Variants in DTD1 observed in about 807,000 individuals in gnomAD.
DTD1 encodes the protein D-aminoacyl-tRNA deacylase 1.
Under a neutral mutation model 25.6 loss-of-function variants are expected in DTD1, and 13 were observed. The ratio of observed to expected loss-of-function variants is 0.51; its 90% CI spans 0.33 to 0.81. DTD1 has a LOEUF of 0.81. DTD1 is among the 30% of genes least tolerant of loss of function. The pLI is 0.02. For synonymous variants in DTD1, 110 were observed against 103.6 expected (o/e 1.06, Z -0.37); for missense variants, 193 against 266.4 (o/e 0.72, Z 1.92).
intron 4 of DTD1, among the ~76,000 whole-genome samples, chr20:18,715,680 T>C (rs760635623): frequency 3.3e-4 from 50 of 152,228 alleles, no homozygotes; most frequent in Non-Finnish European, 6.8e-4. Context: ...ATCTATAAAA[T>C]GGTGACTAAC....
chr20:18,671,380 G>A (rs1258915028), intron 4 of DTD1, among the ~76,000 whole-genome samples: 1 of 152,084 alleles, frequency 6.6e-6, no homozygotes, highest in African/African-American at 2.4e-5. Context: ...CTAGTGCAGG[G>A]CCTCCTTTTC....
At chr20:18,726,640 C>G (rs1008611327) in intron 4 of DTD1, among the ~76,000 whole-genome samples, 1 of 152,168 alleles carries the variant, frequency 6.6e-6, no homozygotes, top group African/African-American at 2.4e-5. Context: ...CTTGTTGTCA[C>G]TTAGTGGGGA....
chr20:18,594,179 C>CT (rs1453934847), intron 2 of DTD1, among the ~76,000 whole-genome samples: 1 of 152,156 alleles, frequency 6.6e-6, no homozygotes, highest in African/African-American at 2.4e-5. Flanking sequence ...TTTAGAATGT[C>CT]TACTAGCTCG....
chr20:18,741,621 T>G lies in DTD1; in HGVS notation c.478-2479T>G, dbSNP rs184436638. On this transcript the variant is annotated intron_variant, in intron 4 of 5. Coordinates refer to ENST00000377452, the MANE Select transcript of DTD1 (RefSeq NM_080820.6). ...TGTATTTGCATGAGCTCACTAGCTA[T>G]GTAGAGTATTATTTTGTGTTAGTGG... 1.1e-3 allele frequency among the ~76,000 whole-genome samples: 164 copies of G among 152,342 alleles called. 1 individual carries two copies. Among genetic ancestry groups the G allele is most frequent in the African/African-American group, 3.5e-3 (147 of 41,564 alleles).
At chr20:18,708,724 A>G (rs1389898922) in intron 4 of DTD1, among the ~76,000 whole-genome samples, 1 of 151,972 alleles carries the variant, frequency 6.6e-6, no homozygotes, top group African/African-American at 2.4e-5. Context: ...CTGCACAAAC[A>G]GTTCAGGGCG....
At chr20:18,755,513 T>C (rs1307902823) in intron 5 of DTD1, among the ~76,000 whole-genome samples, 2 of 152,106 alleles carry the variant, frequency 1.3e-5, no homozygotes, top group Non-Finnish European at 2.9e-5. Context: ...AGTGAGAACA[T>C]GCGGTGTTTG....
rs140227727 is a variant in DTD1 at position 18,705,164 on chromosome 20, T to C, written c.478-38936T>C. ...TAGACAGAGCTGGTCTAGACAGTAT[T>C]GGTGCTGTTTTAAGGAACTTGAAGA... On this transcript the variant is annotated intron_variant, in intron 4 of 5. Transcript: ENST00000377452. Among the ~76,000 whole-genome samples, 55 of 152,332 alleles carry C rather than the reference T, an allele frequency of 3.6e-4. 1 individual carries two copies. Among genetic ancestry groups the C allele is most frequent in the Admixed American group, 2.6e-3 (39 of 15,290 alleles).
rs569487759 is a variant in DTD1, at chr20:18,765,021, T to C, written c.*1681T>C. The C allele has an allele frequency of 6.6e-6, 1 of 152,372 alleles. No individual in the cohort carries two copies. Among genetic ancestry groups the C allele is most frequent in the African/African-American group, 2.4e-5 (1 of 41,586 alleles). The allele number at this position is 152,372 out of a possible 1,614,324, so 9.4% of individuals were successfully genotyped here. A position where few individuals can be genotyped will look rare whatever the true frequency, so the allele number is the denominator to read the frequency against. ...AGGGGTAACGAGGATTGCATAGAGA[T>C]ACGACCTAAGGATCATGACATTTGG... On this transcript the variant is annotated 3_prime_UTR_variant, in exon 6 of 6. Coordinates refer to ENST00000377452, the MANE Select transcript of DTD1 (RefSeq NM_080820.6).
intron 5 of DTD1, among the ~76,000 whole-genome samples, chr20:18,747,866 A>AC (rs2061306433): frequency 6.6e-6 from 1 of 151,540 alleles, no homozygotes; most frequent in Non-Finnish European, 1.5e-5. Flanking sequence ...AAAAAAAAAA[A>AC]AAATTAGCTG....
chr20:18,598,049 C>T (rs1280633261), intron 3 of DTD1, among the ~76,000 whole-genome samples: 1 of 152,078 alleles, frequency 6.6e-6, no homozygotes, highest in Non-Finnish European at 1.5e-5. Flanking sequence ...GCAGAACGTG[C>T]AGTTTTGTTA....
chr20:18,754,803 C>T (rs772760064), intron 5 of DTD1, among the ~76,000 whole-genome samples: 4 of 152,200 alleles, frequency 2.6e-5, no homozygotes, highest in Admixed American at 6.5e-5. Flanking sequence ...TAGAGAGCAA[C>T]GTCTATTGAC....
chr20:18,745,096 C>T (rs936286090), intron 5 of DTD1, among the ~76,000 whole-genome samples: 1 of 152,206 alleles, frequency 6.6e-6, no homozygotes, highest in East Asian at 1.9e-4. Context: ...TCCTGCATCT[C>T]CCTTCCTGCT....
chr20:18,739,047 T>C (rs567018290), intron 4 of DTD1, among the ~76,000 whole-genome samples: 2 of 152,000 alleles, frequency 1.3e-5, no homozygotes, highest in South Asian at 4.2e-4. Flanking sequence ...CCTCAGGCCT[T>C]AGGTGGAGCT....
At chr20:18,728,365 C>T (rs903095887) in intron 4 of DTD1, among the ~76,000 whole-genome samples, 9 of 152,212 alleles carry the variant, frequency 5.9e-5, no homozygotes, top group Admixed American at 2.6e-4. Context: ...GATTGAAAAC[C>T]GTGCTCCCTA....
At chr20:18,684,236 G>A (rs2061008060) in intron 4 of DTD1, among the ~76,000 whole-genome samples, 1 of 151,994 alleles carries the variant, frequency 6.6e-6, no homozygotes, top group Non-Finnish European at 1.5e-5. Flanking sequence ...TGGGCTCCCA[G>A]GAGTTTCTCA....
rs10632823 is a variant in DTD1 at position 18,744,655 on chromosome 20, A to AAAAAAAAAAAAC, written c.*19+384_*19+385insAAAAAAAAAAAC. On this transcript the variant is annotated intron_variant, in intron 5 of 5. Transcript: ENST00000377452. ...CCATCTCAAAAAAAAAAAACAAAAA[A>AAAAAAAAAAAAC]CAAGTGAAAGGGGTTTCCCCTTATA... Among the ~76,000 whole-genome samples, 9 of 119,936 alleles carry AAAAAAAAAAAAC rather than the reference A, an allele frequency of 7.5e-5. 3 individuals are homozygous for AAAAAAAAAAAAC. The highest frequency in any genetic ancestry group is 3.1e-4 in the South Asian group (1 of 3,258). The allele number at this position is 119,936 out of a possible 152,430, so 78.7% of individuals were successfully genotyped here.
intron 3 of DTD1, among the ~76,000 whole-genome samples, chr20:18,614,023 C>T (rs987288870): frequency 3.9e-5 from 6 of 152,200 alleles, no homozygotes; most frequent in African/African-American, 1.4e-4. Flanking sequence ...CCAGGCTGGT[C>T]TCAAACTCCT....
chr20:18,715,478 C>T (rs2061176456), intron 4 of DTD1, among the ~76,000 whole-genome samples: 2 of 152,180 alleles, frequency 1.3e-5, no homozygotes, highest in African/African-American at 4.8e-5. Flanking sequence ...CTACAGCATT[C>T]ACGGTCAGAG....
chr20:18,750,790 G>A (rs1054930688), intron 5 of DTD1, among the ~76,000 whole-genome samples: 1 of 152,174 alleles, frequency 6.6e-6, no homozygotes, highest in Non-Finnish European at 1.5e-5. Context: ...AGGCACTAGG[G>A]CCACCTCTCA....
Sources: allele counts gnomAD v4.1 joint callset (sites outside exome capture counted in the v4.1 genomes callset), GRCh38; gene constraint gnomAD v4.1.1; transcripts MANE v1.5; gene names NCBI Gene and HGNC (gene_info 2026-07-23, HGNC 2026-07-21).